Variants in FBXL13 observed in about 807,000 individuals in gnomAD.
FBXL13 encodes the protein F-box and leucine-rich repeat protein 13.
In FBXL13, 67 loss-of-function variants were observed where a neutral mutation model predicts 83.6. The observed-to-expected ratio is 0.80, with a 90% CI of 0.66 to 0.98. FBXL13 has a LOEUF of 0.98. Among genes scored for constraint, FBXL13 ranks in the 50% least tolerant of loss-of-function variants. The pLI, the probability that FBXL13 is intolerant of heterozygous loss-of-function variation, is 0.00. For missense variants in FBXL13, 822 were observed against 866.5 expected (o/e 0.95, Z 0.64); for synonymous variants, 272 against 299.5 (o/e 0.91, Z 0.95).
chr7:102,826,769 A>T (rs6465874), intron 18 of FBXL13, among the ~76,000 whole-genome samples: 1 of 100,742 alleles, frequency 9.9e-6, no homozygotes, highest in Non-Finnish European at 2.0e-5. Flanking sequence ...ATATATATAT[A>T]TATGTATATA....
chr7:102,892,386 T>C (rs1811642630), intron 11 of FBXL13, among the ~76,000 whole-genome samples: 1 of 152,220 alleles, frequency 6.6e-6, no homozygotes. Context: ...ATAACTGTTA[T>C]GTTCCAATGA....
chr7:103,012,413 C>T (rs10241827), intron 6 of FBXL13, among the ~76,000 whole-genome samples: 1,862 of 150,658 alleles, frequency 0.012, 41 homozygotes, highest in African/African-American at 0.043. Context: ...AAAGAAAGGG[C>T]AGGTCATCTG....
intron 8 of FBXL13, among the ~76,000 whole-genome samples, chr7:102,946,501 C>T (rs1822516793): frequency 6.6e-6 from 1 of 152,120 alleles, no homozygotes; most frequent in Non-Finnish European, 1.5e-5. Context: ...AGTGGGGGAG[C>T]ACTCGTGAGG....
intron 14 of FBXL13, among the ~76,000 whole-genome samples, chr7:102,878,885 A>G (rs1398218476): frequency 1.3e-5 from 2 of 152,220 alleles, no homozygotes; most frequent in African/African-American, 4.8e-5. Context: ...AATTTGCTGG[A>G]TAGGAAACCC....
At chr7:102,960,865 C>T (rs1428530865) in intron 8 of FBXL13, among the ~76,000 whole-genome samples, 1 of 151,830 alleles carries the variant, frequency 6.6e-6, no homozygotes. Context: ...ATGACAAACC[C>T]ACAGCCAATA....
intron 6 of FBXL13, among the ~76,000 whole-genome samples, chr7:103,014,783 C>T (rs1428171298): frequency 6.6e-6 from 1 of 151,680 alleles, no homozygotes; most frequent in Non-Finnish European, 1.5e-5. Flanking sequence ...ATTAGCCGGG[C>T]AAGGTAGCGG....
intron 1 of FBXL13, among the ~76,000 whole-genome samples, chr7:103,060,533 A>G (rs1585613717): frequency 6.6e-6 from 1 of 152,280 alleles, no homozygotes; most frequent in Admixed American, 6.5e-5. Context: ...AGATGTTAGG[A>G]CAAAAGCATT....
At chr7:103,014,988 C>T (rs1206481935) in intron 6 of FBXL13, among the ~76,000 whole-genome samples, 1 of 148,726 alleles carries the variant, frequency 6.7e-6, no homozygotes, top group Non-Finnish European at 1.5e-5. Context: ...CATCAAAAAG[C>T]TTTTCCACCA....
chr7:102,975,133 C>G (rs1827272378), intron 6 of FBXL13, among the ~76,000 whole-genome samples: 1 of 152,154 alleles, frequency 6.6e-6, no homozygotes, highest in Non-Finnish European at 1.5e-5. Context: ...TGGCCCATGC[C>G]CCACCCTTAG....
At chr7:102,895,587 T>C (rs577417041) in intron 11 of FBXL13, among the ~76,000 whole-genome samples, 9 of 152,334 alleles carry the variant, frequency 5.9e-5, no homozygotes, top group African/African-American at 2.2e-4. Flanking sequence ...GGTTGTTCCA[T>C]GCCTGGCTTC....
chr7:102,844,131 C>T (rs1051560126), intron 17 of FBXL13, among the ~76,000 whole-genome samples: 1 of 152,184 alleles, frequency 6.6e-6, no homozygotes, highest in African/African-American at 2.4e-5. Flanking sequence ...AAATACTACC[C>T]ACTGCATTCT....
intron 11 of FBXL13, among the ~76,000 whole-genome samples, chr7:102,900,342 C>T (rs1812809518): frequency 6.6e-6 from 1 of 152,204 alleles, no homozygotes; most frequent in African/African-American, 2.4e-5. Flanking sequence ...AGGCACTCAA[C>T]AAATGCCAGC....
At chr7:102,947,324 T>C (rs569734994) in intron 8 of FBXL13, among the ~76,000 whole-genome samples, 1 of 152,282 alleles carries the variant, frequency 6.6e-6, no homozygotes, top group East Asian at 1.9e-4. Flanking sequence ...TTGTTCTCAG[T>C]ATAATTTTTA....
chr7:103,051,543 T>A (rs1049782898), intron 2 of FBXL13, among the ~76,000 whole-genome samples: 1 of 152,196 alleles, frequency 6.6e-6, no homozygotes, highest in African/African-American at 2.4e-5. Context: ...ACCTTGTTTG[T>A]TCAGTTCACT....
chr7:103,025,058 C>T lies in FBXL13; in HGVS notation c.495+5G>A, dbSNP rs1585419981. ...GTATATAATGTATACTGAATTCATA[C>T]AAACCTGTAATATTGCTCTTTCAGG... On this transcript the variant is annotated splice_donor_5th_base_variant and intron_variant, in intron 6 of 19. Transcript: ENST00000313221. 1 of 1,603,926 alleles carries T rather than the reference C, an allele frequency of 6.2e-7. No individual in the cohort carries two copies. The highest frequency in any genetic ancestry group is 2.2e-5 in the East Asian group (1 of 44,638).
intron 6 of FBXL13, among the ~76,000 whole-genome samples, chr7:102,984,598 TTTTA>T (rs1413362143): frequency 5.9e-5 from 9 of 152,322 alleles, no homozygotes; most frequent in African/African-American, 1.9e-4. Context: ...TTATATGATG[TTTTA>T]TTTATTATAA....
chr7:103,036,899 C>T (rs1795130381), intron 2 of FBXL13, among the ~76,000 whole-genome samples: 1 of 152,164 alleles, frequency 6.6e-6, no homozygotes, highest in African/African-American at 2.4e-5. Context: ...TACCAATAAA[C>T]ACATATTTAA....
At chr7:102,934,789 A>C (rs1356187918) in intron 8 of FBXL13, 1 of 1,048,702 alleles carries the variant, frequency 9.5e-7, no homozygotes, top group Non-Finnish European at 1.4e-6. Flanking sequence ...TCGTGATGTC[A>C]CTTCCACCAG....
intron 6 of FBXL13, among the ~76,000 whole-genome samples, chr7:102,984,159 G>A (rs1348152934): frequency 6.6e-6 from 1 of 151,690 alleles, no homozygotes; most frequent in Non-Finnish European, 1.5e-5. Flanking sequence ...GCTCTTTTTA[G>A]CACTGAAAAA....
Sources: gnomAD v4.1 joint callset for allele counts (sites outside exome capture counted in the v4.1 genomes callset) on GRCh38, gnomAD v4.1.1 for gene constraint, MANE v1.5 for transcripts, NCBI Gene and HGNC (gene_info 2026-07-23, HGNC 2026-07-21) for gene names.